Variants in VASH1 observed in about 807,000 individuals in gnomAD.
VASH1 encodes tubulinyl-Tyr carboxypeptidase 1.
In VASH1, 16 loss-of-function variants were observed where a neutral mutation model predicts 35.0. That is an observed-to-expected ratio of 0.46 (90% CI 0.31 to 0.70). VASH1 has a LOEUF of 0.70. Ranked by LOEUF, VASH1 falls within the 30% of genes least tolerant of loss-of-function variation. The pLI is 0.05. For synonymous variants in VASH1, 214 were observed against 200.9 expected (o/e 1.07, Z -0.55); for missense variants, 505 against 510.7 (o/e 0.99, Z 0.11).
intron 1 of VASH1, among the ~76,000 whole-genome samples, chr14:76,765,128 T>A (rs938214656): frequency 6.6e-6 from 1 of 152,166 alleles, no homozygotes; most frequent in African/African-American, 2.4e-5. Context: ...CCATCTTGCT[T>A]ATGTCTAAAT....
intron 4 of VASH1, among the ~76,000 whole-genome samples, chr14:76,775,537 G>A (rs1893912596): frequency 6.6e-6 from 1 of 152,154 alleles, no homozygotes; most frequent in Non-Finnish European, 1.5e-5. Context: ...GCGGGATGGA[G>A]GGCGAGGGAG....
chr14:76,769,705 A>G (rs565511047), intron 1 of VASH1, among the ~76,000 whole-genome samples: 1 of 152,370 alleles, frequency 6.6e-6, no homozygotes, highest in South Asian at 2.1e-4. Context: ...TTATTAAAGA[A>G]GCATAAAATT....
At position 76,781,656 on chromosome 14, in the gene VASH1, G is replaced by C. The variant is rs904717670; in HGVS notation, c.*2638G>C. 2.0e-5 allele frequency: 3 copies of C among 152,498 alleles called. No individual in the cohort carries two copies. Among genetic ancestry groups the C allele is most frequent in the African/African-American group, 7.2e-5 (3 of 41,454 alleles). 9.4% of individuals were successfully genotyped at this position (152,498 alleles called of 1,614,324 possible). A position where few individuals can be genotyped will look rare whatever the true frequency, so the allele number is the denominator to read the frequency against. ...CTTGCTGTCTGCAAGGGAGGGAGCC[G>C]AGCCCCAGCTGATAATCCCCCAGCA... On this transcript the variant is annotated 3_prime_UTR_variant, in exon 7 of 7. Transcript: ENST00000167106.
rs202018527 is a variant in VASH1 at position 76,776,312 on chromosome 14, C to T, written c.912+39C>T. On this transcript the variant is annotated intron_variant, in intron 5 of 6. Coordinates refer to ENST00000167106, the MANE Select transcript of VASH1 (RefSeq NM_014909.5). ...CCACGCCCTCGCCCCCTCCCTCGCC[C>T]CCTCCCCCGCCCCAGCAGAGGCGAT... The T allele has an allele frequency of 1.0e-4, 151 of 1,488,938 alleles. 1 individual carries two copies. The African/African-American group carries it at 1.8e-3, about 18-fold the overall frequency. 92.2% of individuals were successfully genotyped at this position (1,488,938 alleles called of 1,614,324 possible). A position where few individuals can be genotyped will look rare whatever the true frequency, so the allele number is the denominator to read the frequency against.
In VASH1 at chr14:76,779,245, T is replaced by C. The variant is rs1245000056; in HGVS notation, c.*227T>C. The stretch of plus-strand genomic sequence containing the variant: ...GTATTTTATTTGGAGTTTTTAACTC[T>C]ACAACTGAAGTTTAAGGTATTTGGG... On this transcript the variant is annotated 3_prime_UTR_variant, in exon 7 of 7. Transcript: ENST00000167106. 14 of 697,986 alleles carry C rather than the reference T, an allele frequency of 2.0e-5. No homozygotes were observed. The highest frequency in any genetic ancestry group is 3.4e-5 in the Non-Finnish European group (13 of 384,154). The allele number at this position is 697,986 out of a possible 1,614,324, so 43.2% of individuals were successfully genotyped here.
At chr14:76,763,677 T>C (rs1421225799) in intron 1 of VASH1, among the ~76,000 whole-genome samples, 3 of 152,188 alleles carry the variant, frequency 2.0e-5, no homozygotes, top group Admixed American at 6.5e-5. Context: ...ATTTCAGGTC[T>C]TCAGGAGAAG....
chr14:76,778,988 A>G lies in VASH1; in HGVS notation c.1068A>G (p.Pro356=). The G allele has an allele frequency of 6.2e-7, 1 of 1,614,184 alleles. No individual in the cohort carries two copies. The highest frequency in any genetic ancestry group is 8.5e-7 in the Non-Finnish European group (1 of 1,180,032). The change falls in exon 7 of 7, where the codon CCA becomes CCG. Residue 356 remains proline (P), a synonymous_variant. Transcript: ENST00000167106. ...DKKTSEPKAM[P]DLNGYQIRV is the part of the protein sequence containing the mutation. Reference sequence around the variant, plus strand: ...AGACTTCCGAGCCCAAAGCCATGCCAGACCTTAACGGGTACCAGATCCGGG... The same window carrying G: ...AGACTTCCGAGCCCAAAGCCATGCCGGACCTTAACGGGTACCAGATCCGGG...
chr14:76,767,834 C>G (rs1227732192), intron 1 of VASH1, among the ~76,000 whole-genome samples: 1 of 152,220 alleles, frequency 6.6e-6, no homozygotes, highest in Non-Finnish European at 1.5e-5. Context: ...TCTGAATCCC[C>G]AGGTATTTTC....
At chr14:76,773,278 T>G in intron 4 of VASH1, 67 bp downstream of exon 4, 1 of 1,548,346 alleles carries the variant, frequency 6.5e-7, no homozygotes, top group Non-Finnish European at 8.9e-7. Context: ...GCTCTGAAAG[T>G]GAGGGTGGGG....
At chr14:76,775,724 G>C (rs1385210400) in intron 4 of VASH1, among the ~76,000 whole-genome samples, 168 bp from the exon 5 acceptor site, 1 of 152,192 alleles carries the variant, frequency 6.6e-6, no homozygotes, top group African/African-American at 2.4e-5. Flanking sequence ...CTCAATGCTA[G>C]ATGGCAGGAA....
rs951937652 is a variant in VASH1, at chr14:76,762,209, CT to C, written c.-611del. On this transcript the variant is annotated 5_prime_UTR_variant, in exon 1 of 7. It removes the in-frame stop codon of an upstream open reading frame in the 5' UTR. Transcript: ENST00000167106. Reference sequence around the variant, plus strand: ...TCCCCGCTCCCGGCCAGCTGCGAGTCTTGGCTCCCGGACTTGTCTCGTCGCG... The same window carrying C: ...TCCCCGCTCCCGGCCAGCTGCGAGTCTGGCTCCCGGACTTGTCTCGTCGCG... 6.6e-6 allele frequency: 1 copy of C among 152,222 alleles called. No homozygotes were observed. Among genetic ancestry groups the C allele is most frequent in the Non-Finnish European group, 1.5e-5 (1 of 68,040 alleles). The allele number at this position is 152,222 out of a possible 1,614,324, so 9.4% of individuals were successfully genotyped here.
At position 76,761,988 on chromosome 14, in the gene VASH1, C is replaced by G. The variant is rs1893515949; in HGVS notation, c.-834C>G. On this transcript the variant is annotated 5_prime_UTR_variant, in exon 1 of 7. Transcript: ENST00000167106. The stretch of plus-strand genomic sequence containing the variant: ...AGCGCGGCGCCAGGTGCCAGCCGTC[C>G]TCCCGCTGAGACGCGCCCGAGTGGG... 6.6e-6 allele frequency among the ~76,000 whole-genome samples: 1 copy of G among 152,086 alleles called. No individual in the cohort carries two copies. Among genetic ancestry groups the G allele is most frequent in the Non-Finnish European group, 1.5e-5 (1 of 67,972 alleles).
chr14:76,769,177 A>T, intron 1 of VASH1: 1 of 764,200 alleles, frequency 1.3e-6, no homozygotes. Flanking sequence ...CCAGGCTCCC[A>T]GGCATCGGGA....
chr14:76,763,204 A>G, intron 1 of VASH1, 74 bp downstream of exon 1: 1 of 1,313,092 alleles, frequency 7.6e-7, no homozygotes, highest in Non-Finnish European at 9.8e-7. Flanking sequence ...GTGAAGCCAC[A>G]CTCTCCTCCC....
At chr14:76,778,563 T>C (rs574722921) in intron 6 of VASH1, among the ~76,000 whole-genome samples, 3 of 152,330 alleles carry the variant, frequency 2.0e-5, no homozygotes, top group East Asian at 3.9e-4. Flanking sequence ...GCCACCTCTC[T>C]GGTATGAATT....
chr14:76,776,118 G>C lies in VASH1; in HGVS notation c.757G>C (p.Val253Leu), dbSNP rs766846819. ...FEAAYGRCWH[V>L]LKKVKLGQSV... ...GGCCGCCTACGGCCGCTGCTGGCAC[G>C]TGCTCAAGAAGGTGAAGCTGGGCCA... The change falls in exon 5 of 7, where the codon GTG (valine) becomes CTG (leucine). Residue 253 changes from valine (V) to leucine (L), a missense_variant. By Grantham distance (32) the Val-to-Leu change is conservative (BLOSUM62 1). Transcript: ENST00000167106. The C allele has an allele frequency of 2.5e-6, 4 of 1,609,546 alleles. No homozygotes were observed. The highest frequency in any genetic ancestry group is 3.4e-6 in the Non-Finnish European group (4 of 1,179,638).
intron 5 of VASH1, among the ~76,000 whole-genome samples, chr14:76,776,846 G>C (rs1893959228): frequency 6.6e-6 from 1 of 152,098 alleles, no homozygotes; most frequent in Non-Finnish European, 1.5e-5. Context: ...GGGCTGCCAG[G>C]GCCCCCTGCT....
intron 1 of VASH1, among the ~76,000 whole-genome samples, chr14:76,764,061 C>T (rs994076799): frequency 1.3e-5 from 2 of 151,792 alleles, no homozygotes; most frequent in Admixed American, 1.3e-4. Flanking sequence ...AATGCAGAGG[C>T]CTGAAATCTC....
chr14:76,766,572 C>G (rs190526486), intron 1 of VASH1, among the ~76,000 whole-genome samples: 68 of 152,346 alleles, frequency 4.5e-4, no homozygotes, highest in Admixed American at 2.4e-3. Context: ...TCCAGAGTAG[C>G]TGGGGCTACC....
Sources: gnomAD v4.1 joint callset for allele counts (sites outside exome capture counted in the v4.1 genomes callset) on GRCh38, gnomAD v4.1.1 for gene constraint, MANE v1.5 for transcripts, NCBI Gene and HGNC (gene_info 2026-07-23, HGNC 2026-07-21) for gene names.